Variants in ZCCHC7 observed in about 807,000 individuals in gnomAD.
The protein encoded by ZCCHC7 is zinc finger CCHC domain-containing protein 7.
Under a neutral mutation model 52.0 loss-of-function variants are expected in ZCCHC7, and 35 were observed. That is an observed-to-expected ratio of 0.67 (90% CI 0.51 to 0.89). The LOEUF (loss-of-function observed/expected upper bound fraction) is 0.89, where lower values mean the gene tolerates loss of function less well. Among genes scored for constraint, ZCCHC7 ranks in the 40% least tolerant of loss-of-function variants. ZCCHC7 has a pLI of 0.00. For synonymous variants in ZCCHC7, 217 were observed against 221.5 expected (o/e 0.98, Z 0.18); for missense variants, 574 against 649.1 (o/e 0.88, Z 1.26).
chr9:37,272,304 C>T lies in ZCCHC7; in HGVS notation c.611-29884C>T, dbSNP rs552116608. On this transcript the variant is annotated intron_variant, in intron 2 of 8. Transcript: ENST00000336755. ...CAATAAATTGGCTCTTTAATCTTTT[C>T]TCATTCACGTTAACTTTCTCTTACC... 4.9e-4 allele frequency among the ~76,000 whole-genome samples: 74 copies of T among 152,090 alleles called. No individual in the cohort carries two copies. The South Asian group carries it at 0.015, about 31-fold the overall frequency.
chr9:37,161,241 G>C lies in ZCCHC7; in HGVS notation c.610+34299G>C, dbSNP rs371074101. Among the ~76,000 whole-genome samples the C allele has an allele frequency of 2.6e-4, 40 of 152,144 alleles. 1 individual carries two copies. The South Asian group carries it at 6.0e-3, about 23-fold the overall frequency. ...TGGGATTACAGGCATGAACCACCAT[G>C]CCTGGCCAAGGAATCTATATCTTAA... On this transcript the variant is annotated intron_variant, in intron 2 of 8. Coordinates refer to ENST00000336755, the MANE Select transcript of ZCCHC7 (RefSeq NM_032226.3).
chr9:37,186,100 G>T (rs1346270610), intron 2 of ZCCHC7, among the ~76,000 whole-genome samples: 1 of 151,904 alleles, frequency 6.6e-6, no homozygotes, highest in Admixed American at 6.6e-5. Context: ...TGTGGGGTTG[G>T]GGGTGTGTGG....
intron 2 of ZCCHC7, among the ~76,000 whole-genome samples, chr9:37,280,042 G>A (rs1827877538): frequency 6.6e-6 from 1 of 152,060 alleles, no homozygotes; most frequent in Non-Finnish European, 1.5e-5. Context: ...TTAGGAGGCT[G>A]AGGCAGGAGA....
At chr9:37,178,910 A>G (rs1036124697) in intron 2 of ZCCHC7, among the ~76,000 whole-genome samples, 9 of 152,190 alleles carry the variant, frequency 5.9e-5, no homozygotes, top group African/African-American at 2.2e-4. Flanking sequence ...CTGTATGATG[A>G]CTGATATTTT....
intron 2 of ZCCHC7, among the ~76,000 whole-genome samples, chr9:37,269,576 A>ACC (rs1827285825): frequency 1.5e-5 from 2 of 137,284 alleles, no homozygotes; most frequent in East Asian, 4.4e-4. Flanking sequence ...CCATGATTGT[A>ACC]CCACTGCATT....
Position 37,354,764 on chromosome 9 carries a change from T to C in ZCCHC7, c.1138T>C (p.Tyr380His). ...DPSPVSPFIC[Y>H]YDDKYEIQER... ...GTCTCCAGTATCTCCATTCATCTGCTACTATGATGACAAATATGAAATTCA... is the reference window on the plus strand; with the variant it reads ...GTCTCCAGTATCTCCATTCATCTGCCACTATGATGACAAATATGAAATTCA... The change falls in exon 8 of 9, where the codon TAC (tyrosine) becomes CAC (histidine). Residue 380 changes from tyrosine to histidine, a missense_variant. Transcript: ENST00000336755. This position sits in a 1 kb window ranked among gnomAD's most constrained non-coding sequence, Gnocchi z 4.0. The C allele has an allele frequency of 1.9e-6, 3 of 1,613,534 alleles. No homozygotes were observed. Among genetic ancestry groups the C allele is most frequent in the Middle Eastern group, 3.3e-4 (2 of 6,052 alleles).
At chr9:37,125,914 C>T (rs12376809) in intron 1 of ZCCHC7, among the ~76,000 whole-genome samples, 30,498 of 152,080 alleles carry the variant, frequency 0.2, 3,335 homozygotes, top group African/African-American at 0.28. Flanking sequence ...CAGTATTTGG[C>T]ACCGTTACAT....
At chr9:37,317,177 G>A (rs1419810350) in intron 5 of ZCCHC7, among the ~76,000 whole-genome samples, 1 of 152,158 alleles carries the variant, frequency 6.6e-6, no homozygotes, top group Non-Finnish European at 1.5e-5. Flanking sequence ...CTAATATCCA[G>A]AGAGAAAAAC....
intron 2 of ZCCHC7, among the ~76,000 whole-genome samples, chr9:37,172,788 G>C (rs1187955145): frequency 6.6e-6 from 1 of 151,964 alleles, no homozygotes; most frequent in Non-Finnish European, 1.5e-5. Context: ...AGGGACTTGA[G>C]TGAGCAGTGT....
At chr9:37,196,225 A>G (rs1368264856) in intron 2 of ZCCHC7, among the ~76,000 whole-genome samples, 1 of 152,214 alleles carries the variant, frequency 6.6e-6, no homozygotes, top group Non-Finnish European at 1.5e-5. Context: ...CACTCTGTCC[A>G]GTACAACAAT....
chr9:37,231,608 A>G (rs533402197), intron 2 of ZCCHC7, among the ~76,000 whole-genome samples: 5 of 152,292 alleles, frequency 3.3e-5, no homozygotes, highest in African/African-American at 1.2e-4. Flanking sequence ...AAACCTTTAT[A>G]CCTTAAACGA....
At position 37,276,561 on chromosome 9, in the gene ZCCHC7, C is replaced by T. The variant is rs1360930851; in HGVS notation, c.611-25627C>T. 2.6e-5 allele frequency among the ~76,000 whole-genome samples: 4 copies of T among 152,158 alleles called. No homozygotes were observed. In the East Asian group the frequency reaches 7.7e-4, roughly 29 times the overall value. ...ACTTATTATAGAGCTTTTTACCTAG[C>T]AGTCCCTCAATAGATGTTAATTGCC... On this transcript the variant is annotated intron_variant, in intron 2 of 8. Transcript: ENST00000336755.
intron 6 of ZCCHC7, among the ~76,000 whole-genome samples, chr9:37,330,288 A>G (rs186740583): frequency 1.0e-3 from 158 of 151,852 alleles, no homozygotes; most frequent in African/African-American, 3.7e-3. Context: ...ACTATTTTCA[A>G]CAATTTCAAG....
chr9:37,318,474 TA>T (rs1320114280), intron 5 of ZCCHC7, among the ~76,000 whole-genome samples: 1 of 151,288 alleles, frequency 6.6e-6, no homozygotes, highest in Non-Finnish European at 1.5e-5. Flanking sequence ...AAAATATATA[TA>T]TTTTATATAT....
intron 2 of ZCCHC7, among the ~76,000 whole-genome samples, chr9:37,151,629 AC>A (rs1564143584): frequency 1.3e-5 from 2 of 151,934 alleles, no homozygotes; most frequent in Non-Finnish European, 2.9e-5. Flanking sequence ...ACATGGTGAA[AC>A]CCTGTTTCTA....
At chr9:37,267,570 T>TC (rs1827171132) in intron 2 of ZCCHC7, among the ~76,000 whole-genome samples, 3 of 142,512 alleles carry the variant, frequency 2.1e-5, no homozygotes, top group Non-Finnish European at 3.1e-5. Context: ...TTTTTTCTTT[T>TC]TTTTTTTTTT....
chr9:37,183,979 C>T (rs1409758701), intron 2 of ZCCHC7, among the ~76,000 whole-genome samples: 2 of 152,194 alleles, frequency 1.3e-5, no homozygotes, highest in African/African-American at 4.8e-5. Context: ...TGAGCCCCTC[C>T]TTTCCCTGCA....
chr9:37,161,607 A>G (rs1437938048), intron 2 of ZCCHC7, among the ~76,000 whole-genome samples: 1 of 152,162 alleles, frequency 6.6e-6, no homozygotes, highest in African/African-American at 2.4e-5. Context: ...GCACAGATCA[A>G]TTATAAATCA....
chr9:37,247,424 T>C (rs1480624311), intron 2 of ZCCHC7, among the ~76,000 whole-genome samples: 1 of 152,200 alleles, frequency 6.6e-6, no homozygotes, highest in Non-Finnish European at 1.5e-5. Context: ...TGCATTTAAG[T>C]GTTCTTAGAC....
Sources: allele counts gnomAD v4.1 joint callset (sites outside exome capture counted in the v4.1 genomes callset), GRCh38; gene constraint gnomAD v4.1.1; non-coding constraint Gnocchi (gnomAD v3.1); transcripts MANE v1.5; gene names NCBI Gene and HGNC (gene_info 2026-07-23, HGNC 2026-07-21).